Variants in TENM2 observed in about 807,000 individuals in gnomAD.
The protein encoded by TENM2 is teneurin transmembrane protein 2.
In TENM2, 52 loss-of-function variants were observed where a neutral mutation model predicts 245.2. That is an observed-to-expected ratio of 0.21 (90% CI 0.17 to 0.27). TENM2 has a LOEUF of 0.27. TENM2 is among the 10% of genes least tolerant of loss of function. TENM2 has a pLI of 1.00. For missense variants in TENM2, 3,046 were observed against 3,666.8 expected (o/e 0.83, Z 4.37); for synonymous variants, 1,363 against 1,438.9 (o/e 0.95, Z 1.19).
chr5:167,388,445 T>A (rs962020793), intron 2 of TENM2, among the ~76,000 whole-genome samples: 2 of 152,162 alleles, frequency 1.3e-5, no homozygotes, highest in African/African-American at 4.8e-5. Context: ...TATTCATCTC[T>A]GCAAAGAACC....
the TENM2 span, among the ~76,000 whole-genome samples, chr5:167,185,411 C>T: frequency 6.6e-6 from 1 of 152,062 alleles, no homozygotes; most frequent in Non-Finnish European, 1.5e-5. Context: ...TTGAATACAA[C>T]CTCTGAAATA....
the TENM2 span, among the ~76,000 whole-genome samples, chr5:167,015,710 AC>A: frequency 6.6e-6 from 1 of 152,184 alleles, no homozygotes; most frequent in Non-Finnish European, 1.5e-5. Flanking sequence ...ACCAACATTA[AC>A]CATCACACAC....
intron 2 of TENM2, among the ~76,000 whole-genome samples, chr5:167,425,392 G>A (rs192370856): frequency 1.3e-5 from 2 of 152,294 alleles, no homozygotes; most frequent in African/African-American, 4.8e-5. Flanking sequence ...ATAACACCCA[G>A]CTCCTAGGAT....
chr5:167,072,153 C>G, the TENM2 span, among the ~76,000 whole-genome samples: 1 of 152,166 alleles, frequency 6.6e-6, no homozygotes, highest in African/African-American at 2.4e-5. Context: ...CTGCCTTGGA[C>G]AGGCCAGACA....
At chr5:167,164,082 C>T in the TENM2 span, among the ~76,000 whole-genome samples, 1 of 152,010 alleles carries the variant, frequency 6.6e-6, no homozygotes, top group African/African-American at 2.4e-5. Flanking sequence ...AATCAGAAAA[C>T]TGTGTGTCCT....
At chr5:167,240,261 T>C in the TENM2 span, among the ~76,000 whole-genome samples, 1 of 150,736 alleles carries the variant, frequency 6.6e-6, no homozygotes, top group Admixed American at 6.6e-5. Context: ...AGGTGGCCTT[T>C]TTTTTTTTTG....
chr5:167,420,761 A>G (rs1475934967), intron 2 of TENM2, among the ~76,000 whole-genome samples: 6 of 151,970 alleles, frequency 3.9e-5, no homozygotes, highest in Non-Finnish European at 1.5e-5. Context: ...TATAGAATTT[A>G]CTCCCCTATC....
intron 12 of TENM2, among the ~76,000 whole-genome samples, chr5:168,148,133 G>C (rs544764861): frequency 3.3e-5 from 5 of 152,196 alleles, no homozygotes; most frequent in Non-Finnish European, 7.3e-5. Flanking sequence ...CAGGTTAGCA[G>C]CTGAGTACCA....
intron 13 of TENM2, among the ~76,000 whole-genome samples, chr5:168,172,448 G>A (rs1447359757): frequency 6.6e-6 from 1 of 152,186 alleles, no homozygotes; most frequent in African/African-American, 2.4e-5. Flanking sequence ...AGAGCCCTGG[G>A]AGTCTTTCAT....
intron 17 of TENM2, among the ~76,000 whole-genome samples, chr5:168,201,609 A>G (rs935197324): frequency 1.3e-5 from 2 of 152,170 alleles, no homozygotes; most frequent in African/African-American, 4.8e-5. Flanking sequence ...ACAAAAAAAC[A>G]CAATAATTCC....
intron 2 of TENM2, among the ~76,000 whole-genome samples, chr5:167,675,670 AT>A (rs1756269045): frequency 6.6e-6 from 1 of 152,088 alleles, no homozygotes; most frequent in Admixed American, 6.6e-5. Flanking sequence ...GCTACTTAAA[AT>A]TTGGTGGCTT....
chr5:167,901,342 T>C (rs80350813), intron 3 of TENM2, among the ~76,000 whole-genome samples: 1 of 152,360 alleles, frequency 6.6e-6, no homozygotes, highest in African/African-American at 2.4e-5. Flanking sequence ...TATAGAATTA[T>C]ATAATAGGTA....
intron 1 of TENM2, among the ~76,000 whole-genome samples, chr5:167,309,231 A>G (rs1286649252): frequency 1.3e-5 from 2 of 152,168 alleles, no homozygotes; most frequent in African/African-American, 4.8e-5. Flanking sequence ...AAGAACAAAG[A>G]TGGCCGCTCT....
At chr5:167,846,844 G>T (rs1770088055) in intron 2 of TENM2, among the ~76,000 whole-genome samples, 1 of 152,172 alleles carries the variant, frequency 6.6e-6, no homozygotes, top group South Asian at 2.1e-4. Flanking sequence ...TGTGTGAATT[G>T]AAACTGCAGA....
At chr5:167,263,716 C>T in the TENM2 span, among the ~76,000 whole-genome samples, 1,215 of 151,830 alleles carry the variant, frequency 8.0e-3, 18 homozygotes, top group African/African-American at 0.028. Flanking sequence ...TGCTCTTTTT[C>T]AGGCAAAAAG....
chr5:167,210,498 C>T, the TENM2 span, among the ~76,000 whole-genome samples: 1 of 146,242 alleles, frequency 6.8e-6, no homozygotes, highest in Non-Finnish European at 1.5e-5. Context: ...GCTCTGTTGC[C>T]CAGGCCGGAC....
intron 6 of TENM2, among the ~76,000 whole-genome samples, chr5:168,058,481 A>G (rs1789755561): frequency 6.6e-6 from 1 of 152,338 alleles, no homozygotes; most frequent in South Asian, 2.1e-4. Context: ...CATAATTGCT[A>G]TAGAAACACA....
chr5:167,259,501 T>TA, the TENM2 span, among the ~76,000 whole-genome samples: 4 of 152,212 alleles, frequency 2.6e-5, no homozygotes, highest in Non-Finnish European at 5.9e-5. Flanking sequence ...ATCACCTGTT[T>TA]AAAACCTCTC....
the TENM2 span, among the ~76,000 whole-genome samples, chr5:167,139,187 G>A: frequency 1.3e-5 from 2 of 152,146 alleles, no homozygotes; most frequent in East Asian, 1.9e-4. Flanking sequence ...AACTGTACAC[G>A]TATGGCCAAA....
Sources: gnomAD v4.1 joint callset for allele counts (sites outside exome capture counted in the v4.1 genomes callset) on GRCh38, gnomAD v4.1.1 for gene constraint, MANE v1.5 for transcripts, NCBI Gene and HGNC (gene_info 2026-07-23, HGNC 2026-07-21) for gene names.